The following AFG2A variants were observed in gnomAD, a reference collection of about 807,000 sequenced individuals.
AFG2A encodes ATPase family gene 2 protein homolog A.
chr4:123,234,951 T>G, the AFG2A span, among the ~76,000 whole-genome samples: 2 of 152,054 alleles, frequency 1.3e-5, no homozygotes, highest in East Asian at 1.9e-4. Flanking sequence ...ATTAAAGGAG[T>G]TTTATGTAAA....
At chr4:123,086,819 G>A in the AFG2A span, among the ~76,000 whole-genome samples, 991 of 151,922 alleles carry the variant, frequency 6.5e-3, 15 homozygotes, top group African/African-American at 0.022. Context: ...AGCTGTTTCC[G>A]GTTGACTAAT....
At chr4:123,128,353 G>A in the AFG2A span, among the ~76,000 whole-genome samples, 4 of 152,194 alleles carry the variant, frequency 2.6e-5, no homozygotes, top group South Asian at 2.1e-4. Context: ...GTATCTCAGG[G>A]TAAACATAAA....
At chr4:123,065,266 A>T in the AFG2A span, among the ~76,000 whole-genome samples, 16 of 152,314 alleles carry the variant, frequency 1.1e-4, no homozygotes, top group Non-Finnish European at 2.1e-4. Flanking sequence ...CTTTGAAAGC[A>T]TTCATTCATT....
the AFG2A span, among the ~76,000 whole-genome samples, chr4:123,004,412 G>A: frequency 6.6e-6 from 1 of 152,176 alleles, no homozygotes; most frequent in African/African-American, 2.4e-5. Context: ...GCTCACGCTG[G>A]GAGCTGTAGA....
the AFG2A span, among the ~76,000 whole-genome samples, chr4:123,104,885 CA>C: frequency 6.6e-6 from 1 of 152,144 alleles, no homozygotes; most frequent in South Asian, 2.1e-4. Flanking sequence ...AAGCTATCTG[CA>C]TAACATAAAA....
the AFG2A span, among the ~76,000 whole-genome samples, chr4:123,305,822 A>G: frequency 3.0e-4 from 45 of 152,352 alleles, 2 homozygotes; most frequent in South Asian, 8.7e-3. Context: ...ATTGGGGGAA[A>G]GAACCGTAGG....
chr4:123,107,045 G>A, the AFG2A span, among the ~76,000 whole-genome samples: 46 of 152,312 alleles, frequency 3.0e-4, no homozygotes, highest in South Asian at 6.6e-3. Context: ...CTGTGCACCC[G>A]TGACTGGACG....
At chr4:123,166,086 C>T in the AFG2A span, among the ~76,000 whole-genome samples, 434 of 152,188 alleles carry the variant, frequency 2.9e-3, 2 homozygotes, top group African/African-American at 9.9e-3. Context: ...TACATAGTAT[C>T]TGTGATGGTT....
the AFG2A span, among the ~76,000 whole-genome samples, chr4:123,247,449 G>A: frequency 2.6e-5 from 4 of 152,070 alleles, no homozygotes; most frequent in Non-Finnish European, 4.4e-5. Flanking sequence ...TTTTGAGACA[G>A]GGTCTCACCC....
At chr4:122,982,021 A>G in the AFG2A span, among the ~76,000 whole-genome samples, 2 of 151,858 alleles carry the variant, frequency 1.3e-5, no homozygotes, top group Non-Finnish European at 2.9e-5. Context: ...TTCCCTGGCT[A>G]TGACTTTCAG....
chr4:123,104,444 C>T, the AFG2A span, among the ~76,000 whole-genome samples: 1 of 152,086 alleles, frequency 6.6e-6, no homozygotes, highest in Non-Finnish European at 1.5e-5. Flanking sequence ...CAAAGAATAA[C>T]CCTACAATGA....
At chr4:122,977,340 G>A in the AFG2A span, among the ~76,000 whole-genome samples, 1 of 152,214 alleles carries the variant, frequency 6.6e-6, no homozygotes, top group Admixed American at 6.5e-5. Flanking sequence ...GTGAGCCCGA[G>A]GTCCGGCCAC....
the AFG2A span, among the ~76,000 whole-genome samples, chr4:123,276,784 A>T: frequency 6.6e-6 from 1 of 152,128 alleles, no homozygotes; most frequent in South Asian, 2.1e-4. Context: ...CAAAACTCAG[A>T]TAGTTGTAGG....
the AFG2A span, among the ~76,000 whole-genome samples, chr4:123,125,999 A>G: frequency 6.6e-6 from 1 of 152,286 alleles, no homozygotes; most frequent in Admixed American, 6.5e-5. Flanking sequence ...ATATACTGTT[A>G]AGGAACATAC....
the AFG2A span, among the ~76,000 whole-genome samples, chr4:123,060,381 C>T: frequency 6.6e-6 from 1 of 152,248 alleles, no homozygotes; most frequent in East Asian, 1.9e-4. Context: ...CCTGCCCCTG[C>T]AGCACACCTC....
chr4:123,296,107 A>G, the AFG2A span, among the ~76,000 whole-genome samples: 1 of 152,022 alleles, frequency 6.6e-6, no homozygotes, highest in Non-Finnish European at 1.5e-5. Flanking sequence ...ATAAGTGGCT[A>G]CTAACACATG....
the AFG2A span, among the ~76,000 whole-genome samples, chr4:123,235,228 G>A: frequency 6.6e-6 from 1 of 152,074 alleles, no homozygotes; most frequent in Non-Finnish European, 1.5e-5. Context: ...AGAAAATTTA[G>A]AAACATACTC....
the AFG2A span, among the ~76,000 whole-genome samples, chr4:123,071,959 A>G: frequency 6.6e-6 from 1 of 152,100 alleles, no homozygotes; most frequent in Non-Finnish European, 1.5e-5. Flanking sequence ...AGGAACTTTT[A>G]TTTTTCTTCT....
At chr4:123,015,178 TTTTC>T in the AFG2A span, among the ~76,000 whole-genome samples, 2 of 117,966 alleles carry the variant, frequency 1.7e-5, no homozygotes, top group Admixed American at 2.1e-4. Context: ...TGTCTGACAT[TTTTC>T]TTTCTTTTTT....
Sources: allele counts gnomAD v4.1 joint callset (sites outside exome capture counted in the v4.1 genomes callset), GRCh38; gene constraint gnomAD v4.1.1; transcripts MANE v1.5; gene names NCBI Gene and HGNC (gene_info 2026-07-23, HGNC 2026-07-21).